The following MGRN1 variants were observed in gnomAD, a reference collection of about 807,000 sequenced individuals.
MGRN1 encodes E3 ubiquitin-protein ligase MGRN1.
A neutral mutation model predicts 69.2 loss-of-function variants in MGRN1; 29 were observed. The observed-to-expected ratio is 0.42, with a 90% confidence interval of 0.31 to 0.57. The LOEUF (loss-of-function observed/expected upper bound fraction) is 0.57, where lower values mean the gene tolerates loss of function less well. MGRN1 is among the 20% of genes least tolerant of loss of function. The probability of loss-of-function intolerance (pLI) is 0.15; values close to 1 mark genes in which losing one functional copy is unlikely to be tolerated. For synonymous variants in MGRN1, 470 were observed against 344.2 expected, an observed-to-expected ratio of 1.37 and a Z score of -4.04; for missense variants, 998 against 796.2, an observed-to-expected ratio of 1.25 and a Z score of -3.05.
At chr16:4,680,312 G>A (rs1239591624) in intron 12 of MGRN1, 6 of 544,610 alleles carry the variant, frequency 1.1e-5, no homozygotes, top group Non-Finnish European at 1.6e-5. Context: ...TGGCCCCGCC[G>A]CCCTCCCCTC....
chr16:4,654,629 T>C (rs2078488596), intron 4 of MGRN1, among the ~76,000 whole-genome samples: 1 of 152,190 alleles, frequency 6.6e-6, no homozygotes, highest in Non-Finnish European at 1.5e-5. Context: ...CCCCGCTGAG[T>C]GGCTTGGGGG....
rs539120656 is a variant in MGRN1, at chr16:4,677,522, G to A, written c.1015G>A (p.Val339Met). ...VRKKPGALSP[V>M]SFSPVLAQSL... ...GAAGAAGCCAGGAGCCCTGTCCCCC[G>A]TGTCCTTCAGCCCCGTCCTGGCCCA... The change falls in exon 11 of 17, where the codon GTG becomes ATG. Residue 339 changes from valine (V) to methionine (M), a missense_variant. Val to Met is a conservative substitution (Grantham distance 21). Transcript: ENST00000262370. 36 of 1,597,578 alleles carry A rather than the reference G, an allele frequency of 2.3e-5. No individual in the cohort carries two copies. The highest frequency in any genetic ancestry group is 9.0e-5 in the East Asian group (4 of 44,506).
At chr16:4,646,421 T>C (rs967764528) in intron 1 of MGRN1, among the ~76,000 whole-genome samples, 5 of 141,360 alleles carry the variant, frequency 3.5e-5, no homozygotes, top group Non-Finnish European at 6.0e-5. Context: ...AGACCCTGTC[T>C]CAAAAAAAAA....
intron 1 of MGRN1, among the ~76,000 whole-genome samples, chr16:4,642,360 T>G (rs1403941966): frequency 6.6e-6 from 1 of 151,964 alleles, no homozygotes; most frequent in East Asian, 1.9e-4. Flanking sequence ...TTCAATGGTG[T>G]GATCTCCGCT....
chr16:4,657,735 A>G (rs1177573621), intron 5 of MGRN1, among the ~76,000 whole-genome samples: 1 of 126,828 alleles, frequency 7.9e-6, no homozygotes, highest in Non-Finnish European at 1.7e-5. Context: ...TGGTGCAGAC[A>G]TCCTTTTTTT....
chr16:4,668,706 A>G (rs1340269173), intron 8 of MGRN1, among the ~76,000 whole-genome samples: 2 of 150,114 alleles, frequency 1.3e-5, no homozygotes, highest in African/African-American at 5.0e-5. Flanking sequence ...ACACACATAC[A>G]CTCACACTCA....
At chr16:4,655,465 G>C (rs1315489717) in intron 4 of MGRN1, among the ~76,000 whole-genome samples, 1 of 152,038 alleles carries the variant, frequency 6.6e-6, no homozygotes, top group African/African-American at 2.4e-5. Flanking sequence ...AGGAATCACA[G>C]AGCAGGAACA....
At chr16:4,662,380 G>A (rs146772959) in intron 5 of MGRN1, among the ~76,000 whole-genome samples, 98 of 152,130 alleles carry the variant, frequency 6.4e-4, no homozygotes, top group Middle Eastern at 6.8e-3. Context: ...GCTGGGCGTG[G>A]TGGCGGGCGC....
intron 10 of MGRN1, among the ~76,000 whole-genome samples, chr16:4,674,849 C>T (rs1227748349): frequency 2.7e-5 from 4 of 147,538 alleles, no homozygotes; most frequent in African/African-American, 1.0e-4. Context: ...ACCTTGTTAG[C>T]CAGGATGGTC....
intron 6 of MGRN1, 100 bp from the exon 7 acceptor site, chr16:4,665,002 C>T (rs1222603723): frequency 7.8e-6 from 11 of 1,407,792 alleles, no homozygotes; most frequent in Non-Finnish European, 1.1e-5. Context: ...TCTGTGCAGG[C>T]TGAGCCCTCG....
chr16:4,686,368 C>G lies in MGRN1; in HGVS notation c.1619-2428C>G, dbSNP rs2079319133. The G allele has an allele frequency of 7.9e-6, 12 of 1,522,994 alleles. No individual in the cohort carries two copies. In the South Asian group the frequency reaches 1.5e-4, roughly 19 times the overall value. 94.3% of individuals were successfully genotyped at this position (1,522,994 alleles called of 1,614,324 possible). ...GCGTCCTTGGAGAGAGGAGCCCTCC[C>G]CTGCTCTCTGGCGGGGGTTCCTTCT... On this transcript the variant is annotated intron_variant, in intron 16 of 16. Transcript: ENST00000262370.
At chr16:4,637,859 T>G (rs1231795443) in intron 1 of MGRN1, among the ~76,000 whole-genome samples, 2 of 151,844 alleles carry the variant, frequency 1.3e-5, no homozygotes, top group African/African-American at 4.8e-5. Context: ...GTCTAGGGGG[T>G]GGGGGCCACC....
At chr16:4,639,964 C>T (rs562763818) in intron 1 of MGRN1, 2 of 152,066 alleles carry the variant, frequency 1.3e-5, no homozygotes, top group Admixed American at 6.5e-5. Context: ...TTTGCTGCGG[C>T]TCCTCTGCTG....
rs147256402 is a variant in MGRN1, at chr16:4,653,957, G to A, written c.443+1133G>A. On this transcript the variant is annotated intron_variant, in intron 4 of 16. Coordinates refer to ENST00000262370, the MANE Select transcript of MGRN1 (RefSeq NM_015246.4). ...AGTAGAGACGGGGTTTCATCATGTT[G>A]GTCAGGCTGGTCTCAATCGCTCGAC... Among the ~76,000 whole-genome samples the A allele has an allele frequency of 3.2e-3, 486 of 152,254 alleles. 1 individual carries two copies. Among genetic ancestry groups the A allele is most frequent in the African/African-American group, 0.011 (464 of 41,538 alleles).
intron 6 of MGRN1, 55 bp from the exon 7 acceptor site, chr16:4,665,047 T>C: frequency 6.2e-7 from 1 of 1,603,068 alleles, no homozygotes; most frequent in Non-Finnish European, 8.5e-7. Context: ...GGAGGTGAGA[T>C]GCCTGGGTGG....
In MGRN1 at chr16:4,668,599, CAT is replaced by C. The variant is rs570995388; in HGVS notation, c.726+289_726+290del. Among the ~76,000 whole-genome samples, 13 of 151,154 alleles carry C rather than the reference CAT, an allele frequency of 8.6e-5. No homozygotes were observed. The South Asian group carries it at 1.3e-3, about 15-fold the overall frequency. ...CATACAGACACGACACTCATACACA[CAT>C]ACACTCACACTCACATGCAGTCATT... On this transcript the variant is annotated intron_variant, in intron 8 of 16. Coordinates refer to ENST00000262370, the MANE Select transcript of MGRN1 (RefSeq NM_015246.4).
At chr16:4,672,495 G>A in intron 9 of MGRN1, 1 of 456,582 alleles carries the variant, frequency 2.2e-6, no homozygotes, top group South Asian at 1.5e-5. Context: ...CACCTGGCCG[G>A]GCCTCGCCTC....
chr16:4,680,569 C>T (rs530077635), intron 12 of MGRN1: 1 of 163,590 alleles, frequency 6.1e-6, no homozygotes, highest in South Asian at 1.4e-4. Flanking sequence ...ACACAACCAC[C>T]TGGAGCCTCC....
chr16:4,642,488 G>T (rs2078182202), intron 1 of MGRN1, among the ~76,000 whole-genome samples: 1 of 151,194 alleles, frequency 6.6e-6, no homozygotes, highest in East Asian at 1.9e-4. Context: ...GTGTGTGTGT[G>T]TGTGTGTGTG....
Sources: gnomAD v4.1 joint callset for allele counts (sites outside exome capture counted in the v4.1 genomes callset) on GRCh38, gnomAD v4.1.1 for gene constraint, MANE v1.5 for transcripts, NCBI Gene and HGNC (gene_info 2026-07-23, HGNC 2026-07-21) for gene names.